PIBF1: variants seen among roughly 807,000 people sequenced by gnomAD.
PIBF1 encodes the protein progesterone-induced-blocking factor 1.
In PIBF1, 90 loss-of-function variants were observed where a neutral mutation model predicts 112.5. That is an observed-to-expected ratio of 0.80 (90% confidence interval 0.67 to 0.95). PIBF1 has a LOEUF of 0.95. Ranked by LOEUF, PIBF1 falls within the 40% of genes least tolerant of loss-of-function variation. PIBF1 has a pLI of 0.00. For missense variants in PIBF1, 915 were observed against 852.3 expected, an observed-to-expected ratio of 1.07 and a Z score of -0.92; for synonymous variants, 301 against 288.6, an observed-to-expected ratio of 1.04 and a Z score of -0.44.
chr13:72,916,435 A>T (rs767976829), intron 12 of PIBF1, among the ~76,000 whole-genome samples: 2 of 151,204 alleles, frequency 1.3e-5, no homozygotes, highest in Non-Finnish European at 2.9e-5. Context: ...CCCAACTTGC[A>T]GTAAAATGTC....
At chr13:72,911,531 G>T (rs933168909) in intron 12 of PIBF1, among the ~76,000 whole-genome samples, 1 of 152,118 alleles carries the variant, frequency 6.6e-6, no homozygotes, top group East Asian at 1.9e-4. Flanking sequence ...AAACATAGGT[G>T]AGTTATCTTT....
chr13:73,007,652 A>C (rs2044077683), intron 17 of PIBF1, among the ~76,000 whole-genome samples: 1 of 152,020 alleles, frequency 6.6e-6, no homozygotes, highest in Admixed American at 6.6e-5. Context: ...TCTACTAAAA[A>C]TACAAAATTA....
At chr13:72,911,869 C>T (rs58703489) in intron 12 of PIBF1, among the ~76,000 whole-genome samples, 15,558 of 151,996 alleles carry the variant, frequency 0.1, 2,284 homozygotes, top group African/African-American at 0.33. Context: ...GTGACTCATG[C>T]CTGTAATTCC....
chr13:72,882,076 A>G (rs1370294631), intron 10 of PIBF1, among the ~76,000 whole-genome samples: 1 of 152,116 alleles, frequency 6.6e-6, no homozygotes, highest in Non-Finnish European at 1.5e-5. Flanking sequence ...GCATGGTACC[A>G]GCATAAAAAC....
intron 9 of PIBF1, among the ~76,000 whole-genome samples, chr13:72,843,714 AT>A (rs2037712978): frequency 6.6e-6 from 1 of 152,044 alleles, no homozygotes; most frequent in Non-Finnish European, 1.5e-5. Flanking sequence ...GCCTGGCCTA[AT>A]TTCTGATCTT....
chr13:72,815,021 A>G (rs927290601), intron 5 of PIBF1, among the ~76,000 whole-genome samples: 4 of 152,214 alleles, frequency 2.6e-5, no homozygotes, highest in Non-Finnish European at 5.9e-5. Flanking sequence ...AGGTTCACAG[A>G]TAGATTACTG....
intron 15 of PIBF1, among the ~76,000 whole-genome samples, chr13:72,971,185 AGT>A (rs771878197): frequency 1.8e-4 from 21 of 119,972 alleles, no homozygotes; most frequent in African/African-American, 3.7e-4. Flanking sequence ...ACAGAGAGTG[AGT>A]GTGTGTGTGT....
chr13:72,941,005 A>T lies in PIBF1; in HGVS notation c.1833+9738A>T, dbSNP rs561601433. 4.6e-5 allele frequency among the ~76,000 whole-genome samples: 7 copies of T among 152,264 alleles called. No homozygotes were observed. The South Asian group carries it at 1.2e-3, about 27-fold the overall frequency. On this transcript the variant is annotated intron_variant, in intron 14 of 17. Coordinates refer to ENST00000326291, the MANE Select transcript of PIBF1 (RefSeq NM_006346.4). Reference sequence around the variant, plus strand: ...TTCAGTAGTCTCCCATATGAACTGTAACCACCTTGGTTATTACTTCTATCA... The same window carrying T: ...TTCAGTAGTCTCCCATATGAACTGTTACCACCTTGGTTATTACTTCTATCA...
intron 8 of PIBF1, among the ~76,000 whole-genome samples, chr13:72,832,468 C>T (rs549064152): frequency 2.2e-4 from 34 of 152,220 alleles, no homozygotes; most frequent in Middle Eastern, 3.4e-3. Context: ...CTGTTGGTGA[C>T]AAAATCTCTC....
rs530408635 is a variant in PIBF1, at chr13:72,844,649, AGAATTT to A, written c.1223+9283_1223+9288del. ...TGATGGAGAAACTCTGTCTTTTAAG[AGAATTT>A]GCAAACGACATTCCATGCTTGAGGG... On this transcript the variant is annotated intron_variant, in intron 9 of 17. Coordinates refer to ENST00000326291, the MANE Select transcript of PIBF1 (RefSeq NM_006346.4). Among the ~76,000 whole-genome samples the A allele has an allele frequency of 4.2e-3, 634 of 152,012 alleles. 1 individual carries two copies. The highest frequency in any genetic ancestry group is 0.01 in the Middle Eastern group (3 of 294).
chr13:72,820,508 C>G (rs377457956), intron 5 of PIBF1, among the ~76,000 whole-genome samples: 1 of 152,114 alleles, frequency 6.6e-6, no homozygotes, highest in South Asian at 2.1e-4. Context: ...AATACCATAC[C>G]AAAGCAAAAC....
chr13:72,847,298 C>G (rs1458375578), intron 9 of PIBF1, among the ~76,000 whole-genome samples: 1 of 152,184 alleles, frequency 6.6e-6, no homozygotes, highest in Non-Finnish European at 1.5e-5. Context: ...CCATTTTATG[C>G]TGCTATAACA....
intron 12 of PIBF1, among the ~76,000 whole-genome samples, chr13:72,915,903 A>G (rs1308448030): frequency 1.3e-5 from 2 of 152,240 alleles, no homozygotes; most frequent in African/African-American, 2.4e-5. Context: ...TGATGGTTGT[A>G]AAATATGTGG....
chr13:72,790,415 A>T (rs2034836286), intron 2 of PIBF1, among the ~76,000 whole-genome samples: 1 of 115,820 alleles, frequency 8.6e-6, no homozygotes, highest in African/African-American at 3.2e-5. Flanking sequence ...GTTTAGGAGG[A>T]GTCCATCACA....
intron 5 of PIBF1, among the ~76,000 whole-genome samples, chr13:72,801,916 G>C (rs7335180): frequency 0.74 from 113,194 of 152,112 alleles, 42,502 homozygotes; most frequent in African/African-American, 0.82. Flanking sequence ...CCATTTTGGA[G>C]AGACCATTAA....
At chr13:72,829,891 T>C (rs2037016259) in intron 8 of PIBF1, among the ~76,000 whole-genome samples, 1 of 152,222 alleles carries the variant, frequency 6.6e-6, no homozygotes, top group Admixed American at 6.5e-5. Flanking sequence ...TTTCACGATA[T>C]TGAATCTTCC....
At chr13:72,881,375 A>G (rs1236675714) in intron 10 of PIBF1, among the ~76,000 whole-genome samples, 1 of 152,204 alleles carries the variant, frequency 6.6e-6, no homozygotes, top group Non-Finnish European at 1.5e-5. Context: ...AAATTAAGAA[A>G]GTATTCCCAT....
chr13:72,912,664 A>G (rs926535252), intron 12 of PIBF1, among the ~76,000 whole-genome samples: 4 of 152,204 alleles, frequency 2.6e-5, no homozygotes, highest in East Asian at 1.9e-4. Context: ...TAGAATGTTC[A>G]TAGGAAATGT....
intron 6 of PIBF1, among the ~76,000 whole-genome samples, chr13:72,824,651 T>G (rs185210569): frequency 1.3e-5 from 2 of 152,298 alleles, no homozygotes; most frequent in East Asian, 3.9e-4. Flanking sequence ...CATAATAATA[T>G]TGATTCAGAA....
Sources: gnomAD v4.1 joint callset for allele counts (sites outside exome capture counted in the v4.1 genomes callset) on GRCh38, gnomAD v4.1.1 for gene constraint, MANE v1.5 for transcripts, NCBI Gene and HGNC (gene_info 2026-07-23, HGNC 2026-07-21) for gene names.